The following GRM7 variants were observed in gnomAD, a reference collection of about 807,000 sequenced individuals.
GRM7 encodes metabotropic glutamate receptor 7.
A neutral mutation model predicts 84.5 loss-of-function variants in GRM7; 35 were observed. That is an observed-to-expected ratio of 0.41 (90% CI 0.32 to 0.55). The LOEUF is 0.55. GRM7 is among the 20% of genes least tolerant of loss of function. The pLI, the probability that GRM7 is intolerant of heterozygous loss-of-function variation, is 0.19. For synonymous variants in GRM7, 487 were observed against 455.1 expected (o/e 1.07, Z -0.89); for missense variants, 1,003 against 1,194.6 (o/e 0.84, Z 2.36).
intron 4 of GRM7, among the ~76,000 whole-genome samples, chr3:7,312,611 A>C (rs1700440333): frequency 6.6e-6 from 1 of 152,178 alleles, no homozygotes; most frequent in Admixed American, 6.6e-5. Context: ...TTTGATAAGC[A>C]GAAAACTTCT....
At chr3:6,978,216 T>A (rs1694070731) in intron 1 of GRM7, among the ~76,000 whole-genome samples, 2 of 151,986 alleles carry the variant, frequency 1.3e-5, no homozygotes, top group South Asian at 4.1e-4. Context: ...AGGCTATGTG[T>A]AGAGGGAGGC....
At chr3:7,144,841 C>G (rs1002121695) in intron 1 of GRM7, among the ~76,000 whole-genome samples, 2 of 152,168 alleles carry the variant, frequency 1.3e-5, no homozygotes, top group Admixed American at 1.3e-4. Flanking sequence ...AAGGACCCAT[C>G]AGGAGACATG....
intron 4 of GRM7, among the ~76,000 whole-genome samples, chr3:7,379,611 T>C (rs1172963099): frequency 3.9e-5 from 6 of 152,196 alleles, no homozygotes; most frequent in Admixed American, 3.9e-4. Context: ...ATATTTTTTC[T>C]TATCTTTTTG....
intron 1 of GRM7, among the ~76,000 whole-genome samples, chr3:6,866,938 A>C (rs1476584086): frequency 1.3e-5 from 2 of 152,132 alleles, no homozygotes; most frequent in African/African-American, 2.4e-5. Flanking sequence ...TGGAATTTTT[A>C]AGCTAGGGAG....
At chr3:7,575,547 G>T (rs150634746) in intron 7 of GRM7, among the ~76,000 whole-genome samples, 2 of 152,250 alleles carry the variant, frequency 1.3e-5, no homozygotes, top group Non-Finnish European at 2.9e-5. Flanking sequence ...ACAAGGCAGC[G>T]TATCTGTGTG....
At chr3:6,902,103 T>A (rs1021549203) in intron 1 of GRM7, among the ~76,000 whole-genome samples, 5 of 152,196 alleles carry the variant, frequency 3.3e-5, no homozygotes, top group Admixed American at 2.0e-4. Context: ...TAATGTTATA[T>A]GTACATTTGA....
At chr3:7,204,205 T>C (rs897828280) in intron 2 of GRM7, among the ~76,000 whole-genome samples, 4 of 152,176 alleles carry the variant, frequency 2.6e-5, no homozygotes, top group African/African-American at 7.2e-5. Context: ...GGCAGCCTAA[T>C]TGTCAGACAG....
intron 7 of GRM7, among the ~76,000 whole-genome samples, chr3:7,489,072 T>G (rs1444304475): frequency 6.6e-6 from 1 of 152,108 alleles, no homozygotes; most frequent in Non-Finnish European, 1.5e-5. Flanking sequence ...TTAAATTCAT[T>G]TAATAACCAC....
rs77404013 is a variant in GRM7 at position 7,713,859 on chromosome 3, C to T, written c.2699-26498C>T. Among the ~76,000 whole-genome samples, 804 of 145,482 alleles carry T rather than the reference C, an allele frequency of 5.5e-3. 12 individuals carry two copies. The East Asian group carries it at 0.056, about 10-fold the overall frequency. ...GGTAGAGTTTGCCTTGAGACATCCA[C>T]CCACTCATTGCCTGGGAAGTGGAAA... is the stretch of plus-strand genomic sequence containing the variant. On this transcript the variant is annotated intron_variant, in intron 9 of 9. Coordinates refer to ENST00000357716, the MANE Select transcript of GRM7 (RefSeq NM_000844.4).
At chr3:7,390,075 C>G (rs1401634291) in intron 4 of GRM7, among the ~76,000 whole-genome samples, 2 of 152,002 alleles carry the variant, frequency 1.3e-5, no homozygotes, top group Non-Finnish European at 2.9e-5. Context: ...CTAGTGATTG[C>G]TTGTCTGGGA....
intron 8 of GRM7, among the ~76,000 whole-genome samples, chr3:7,652,665 G>A (rs1425847149): frequency 6.6e-6 from 1 of 152,126 alleles, no homozygotes; most frequent in African/African-American, 2.4e-5. Context: ...GCAGGAATAC[G>A]CTTTCACAAG....
chr3:6,983,693 A>C (rs1343425237), intron 1 of GRM7, among the ~76,000 whole-genome samples: 1 of 152,166 alleles, frequency 6.6e-6, no homozygotes, highest in Non-Finnish European at 1.5e-5. Context: ...CATGCAGTTC[A>C]TCTATAAGTT....
intron 8 of GRM7, among the ~76,000 whole-genome samples, chr3:7,655,896 T>C (rs1439147012): frequency 2.0e-5 from 3 of 152,224 alleles, no homozygotes; most frequent in Admixed American, 2.0e-4. Context: ...AATTTCTTTA[T>C]GAAGGAACCA....
At chr3:7,478,197 A>T (rs1265262891) in intron 7 of GRM7, among the ~76,000 whole-genome samples, 1 of 152,072 alleles carries the variant, frequency 6.6e-6, no homozygotes, top group Non-Finnish European at 1.5e-5. Flanking sequence ...AGGAACCGTG[A>T]ATTTACAGGC....
At chr3:7,508,362 C>A (rs1700097446) in intron 7 of GRM7, among the ~76,000 whole-genome samples, 1 of 152,140 alleles carries the variant, frequency 6.6e-6, no homozygotes, top group Admixed American at 6.6e-5. Flanking sequence ...ATTTAAGTTT[C>A]TTCATGCTCC....
intron 7 of GRM7, among the ~76,000 whole-genome samples, chr3:7,469,380 G>A (rs904588210): frequency 3.9e-5 from 6 of 152,176 alleles, no homozygotes; most frequent in African/African-American, 1.4e-4. Context: ...GAAAAGGAGG[G>A]AAAGAAATAG....
At chr3:7,180,295 C>A (rs113710787) in intron 2 of GRM7, among the ~76,000 whole-genome samples, 3,436 of 152,220 alleles carry the variant, frequency 0.023, 96 homozygotes, top group African/African-American at 0.07. Context: ...TTAATAGCTA[C>A]TGTGTTGCTG....
intron 2 of GRM7, among the ~76,000 whole-genome samples, chr3:7,199,083 G>C (rs1695978368): frequency 6.6e-6 from 1 of 152,164 alleles, no homozygotes; most frequent in Non-Finnish European, 1.5e-5. Context: ...CTGTCAGTGG[G>C]AAGTGTCCAT....
At chr3:7,067,342 G>T (rs545998052) in intron 1 of GRM7, among the ~76,000 whole-genome samples, 176 of 152,030 alleles carry the variant, frequency 1.2e-3, no homozygotes, top group African/African-American at 4.0e-3. Context: ...CAAGATTAAT[G>T]TACACAAATC....
Sources: allele counts gnomAD v4.1 joint callset (sites outside exome capture counted in the v4.1 genomes callset), GRCh38; gene constraint gnomAD v4.1.1; transcripts MANE v1.5; gene names NCBI Gene and HGNC (gene_info 2026-07-23, HGNC 2026-07-21).